RGS3: variants seen among roughly 807,000 people sequenced by gnomAD.
RGS3 encodes the protein regulator of G protein signaling 3, also known as regulator of G-protein signalling 3.
A neutral mutation model predicts 132.6 loss-of-function variants in RGS3; 80 were observed. The observed-to-expected ratio is 0.60, with a 90% CI of 0.50 to 0.73. The LOEUF is 0.73. RGS3 is among the 30% of genes least tolerant of loss of function. The pLI is 0.00. For synonymous variants in RGS3, 598 were observed against 620.6 expected, an observed-to-expected ratio of 0.96 and a Z score of 0.54; for missense variants, 1,382 against 1,530.8, an observed-to-expected ratio of 0.90 and a Z score of 1.62.
chr9:113,527,303 C>T (rs568181391), intron 17 of RGS3, among the ~76,000 whole-genome samples: 8 of 152,192 alleles, frequency 5.3e-5, no homozygotes, highest in Admixed American at 2.0e-4. Flanking sequence ...CTTTTCTTGC[C>T]GCCAGCTTCT....
intron 20 of RGS3, chr9:113,590,043 A>G (rs1482491293): frequency 2.6e-5 from 4 of 152,252 alleles, no homozygotes. Context: ...GGAAGGAGGC[A>G]GCACTTCCCG....
At chr9:113,592,991 A>G (rs1025089525) in intron 21 of RGS3, 1 of 152,204 alleles carries the variant, frequency 6.6e-6, no homozygotes, top group African/African-American at 2.4e-5. Flanking sequence ...TGAATAAACT[A>G]CTGTGCAAAG....
At chr9:113,562,476 C>CA (rs1184135248) in intron 19 of RGS3, among the ~76,000 whole-genome samples, 4,879 of 68,098 alleles carry the variant, frequency 0.072, 153 homozygotes, top group African/African-American at 0.11. Flanking sequence ...GACTCTGTCT[C>CA]AAAAAAAAAA....
intron 19 of RGS3, among the ~76,000 whole-genome samples, chr9:113,554,631 A>G (rs1486299598): frequency 2.0e-5 from 3 of 152,134 alleles, no homozygotes; most frequent in Non-Finnish European, 2.9e-5. Flanking sequence ...TCAGTCACCT[A>G]TATTTCTGCT....
chr9:113,476,049 C>G (rs751150386), intron 3 of RGS3, among the ~76,000 whole-genome samples: 7 of 152,074 alleles, frequency 4.6e-5, no homozygotes, highest in Non-Finnish European at 4.4e-5. Flanking sequence ...GTGGTCCTCC[C>G]ACCTCAGCCT....
At chr9:113,543,713 G>T (rs2118681997) in intron 19 of RGS3, among the ~76,000 whole-genome samples, 1 of 152,218 alleles carries the variant, frequency 6.6e-6, no homozygotes, top group East Asian at 1.9e-4. Flanking sequence ...AGGTGCAGAG[G>T]ACAGGAGCTC....
chr9:113,482,827 G>C, intron 4 of RGS3: 1 of 971,744 alleles, frequency 1.0e-6, no homozygotes, highest in Non-Finnish European at 1.5e-6. Context: ...GGTGCTGCCA[G>C]AGAGTGGAAG....
chr9:113,582,061 T>C, intron 19 of RGS3: 1 of 985,450 alleles, frequency 1.0e-6, no homozygotes, highest in South Asian at 4.7e-5. Flanking sequence ...CGCTCACATC[T>C]GTGCTCCCAG....
At position 113,565,103 on chromosome 9, in the gene RGS3, G is replaced by A; in HGVS notation, c.2038-18347G>A. The A allele has an allele frequency of 8.6e-7, 1 of 1,167,816 alleles. No individual in the cohort carries two copies. Among genetic ancestry groups the A allele is most frequent in the Non-Finnish European group, 1.1e-6 (1 of 931,272 alleles). The allele number at this position is 1,167,816 out of a possible 1,614,324, so 72.3% of individuals were successfully genotyped here. A position where few individuals can be genotyped will look rare whatever the true frequency, so the allele number is the denominator to read the frequency against. On this transcript the variant is annotated intron_variant, in intron 19 of 24. Coordinates refer to ENST00000350696, the Ensembl canonical transcript of RGS3. The surrounding 1 kb of genome is among the most constrained non-coding windows in gnomAD (Gnocchi z 5.7). ...GAGGGATGGACGCCTCTCCCCCGGA[G>A]CAGCACTTTGGGGCCAGCTTGGGCC...
At position 113,537,006 on chromosome 9, in the gene RGS3, C is replaced by T; in HGVS notation, c.2037+88C>T. 1 of 1,301,164 alleles carries T rather than the reference C, an allele frequency of 7.7e-7. No individual in the cohort carries two copies. The highest frequency in any genetic ancestry group is 1.1e-6 in the Non-Finnish European group (1 of 935,218). 80.6% of individuals were successfully genotyped at this position (1,301,164 alleles called of 1,614,324 possible). The stretch of plus-strand genomic sequence containing the variant: ...TTGAGCCTCTGCATTGAGCTGGGGG[C>T]CAGCCTGAGCTTCCAACTTGGCTCT... On this transcript the variant is annotated intron_variant, in intron 19 of 24. Coordinates refer to ENST00000350696, the Ensembl canonical transcript of RGS3. This position sits in a 1 kb window ranked among gnomAD's most constrained non-coding sequence, Gnocchi z 4.3.
intron 19 of RGS3, among the ~76,000 whole-genome samples, chr9:113,556,075 G>A (rs1039685719): frequency 2.0e-5 from 3 of 152,202 alleles, no homozygotes; most frequent in African/African-American, 2.4e-5. Context: ...TAAGTGAATC[G>A]TCCTTCTCTC....
intron 18 of RGS3, among the ~76,000 whole-genome samples, chr9:113,532,276 C>A (rs752596987): frequency 3.9e-5 from 6 of 152,244 alleles, no homozygotes; most frequent in Non-Finnish European, 8.8e-5. Flanking sequence ...GTGAGGGAAG[C>A]CAGGAAGGTA....
intron 19 of RGS3, among the ~76,000 whole-genome samples, chr9:113,561,840 C>T (rs1302333151): frequency 6.6e-6 from 1 of 152,220 alleles, no homozygotes; most frequent in African/African-American, 2.4e-5. Context: ...GGCTGCATCC[C>T]AGGCTGTTGC....
At chr9:113,511,007 G>C (rs1200994777) in intron 14 of RGS3, among the ~76,000 whole-genome samples, 1 of 152,210 alleles carries the variant, frequency 6.6e-6, no homozygotes, top group Non-Finnish European at 1.5e-5. Context: ...GCTGCCAAGA[G>C]ATAGCCCTTC....
chr9:113,509,554 A>G (rs976901680), intron 14 of RGS3, among the ~76,000 whole-genome samples: 2 of 152,154 alleles, frequency 1.3e-5, no homozygotes, highest in Non-Finnish European at 2.9e-5. Flanking sequence ...TTCTCCCAGG[A>G]AGGCTGAGAT....
intron 18 of RGS3, among the ~76,000 whole-genome samples, chr9:113,535,212 C>T (rs1008216479): frequency 6.6e-6 from 1 of 151,824 alleles, no homozygotes; most frequent in Middle Eastern, 3.2e-3. Flanking sequence ...CTGGCTTTGT[C>T]ACCCAGGCTG....
In RGS3 at chr9:113,543,063, G is replaced by T. The variant is rs138581886; in HGVS notation, c.2037+6145G>T. On this transcript the variant is annotated intron_variant, in intron 19 of 24. Coordinates refer to ENST00000350696, the Ensembl canonical transcript of RGS3. ...CTCTCATACTCTTATCTAACTGCCA[G>T]ACCTAGAGGGAGGGAAGCCCAAGGC... 1.4e-3 allele frequency among the ~76,000 whole-genome samples: 212 copies of T among 152,334 alleles called. 2 individuals carry two copies. Among genetic ancestry groups the T allele is most frequent in the African/African-American group, 5.0e-3 (208 of 41,564 alleles).
chr9:113,548,211 G>A (rs923316554), intron 19 of RGS3, among the ~76,000 whole-genome samples: 5 of 152,176 alleles, frequency 3.3e-5, no homozygotes, highest in African/African-American at 9.7e-5. Flanking sequence ...GCATGTAGTC[G>A]GGGACTTCTG....
rs781022813 is a variant in RGS3 at position 113,591,472 on chromosome 9, C to A, written c.3080+75C>A. 1 of 1,310,718 alleles carries A rather than the reference C, an allele frequency of 7.6e-7. No homozygotes were observed. The highest frequency in any genetic ancestry group is 1.2e-5 in the South Asian group (1 of 84,466). The allele number at this position is 1,310,718 out of a possible 1,614,324, so 81.2% of individuals were successfully genotyped here. A position where few individuals can be genotyped will look rare whatever the true frequency, so the allele number is the denominator to read the frequency against. On this transcript the variant is annotated intron_variant, in intron 21 of 24. Coordinates refer to ENST00000350696, the Ensembl canonical transcript of RGS3. The surrounding 1 kb of genome is among the most constrained non-coding windows in gnomAD (Gnocchi z 4.4). ...CAGGGCTTGTCTCTCCTCTAGGGGT[C>A]CAGGTGGGGAGAAGAGGTTGTGCCT...
Sources: gnomAD v4.1 joint callset for allele counts (sites outside exome capture counted in the v4.1 genomes callset) on GRCh38, gnomAD v4.1.1 for gene constraint, Gnocchi (gnomAD v3.1) non-coding constraint, MANE v1.5 for transcripts, NCBI Gene and HGNC (gene_info 2026-07-23, HGNC 2026-07-21) for gene names.